KRT9: variants seen among roughly 807,000 people sequenced by gnomAD.
The protein encoded by KRT9 is keratin 9, also known as keratin, type I cytoskeletal 9.
KRT9 carries 34 observed loss-of-function variants against 51.4 expected under a neutral mutation model. The ratio of observed to expected loss-of-function variants is 0.66; its 90% confidence interval spans 0.50 to 0.88. The LOEUF (loss-of-function observed/expected upper bound fraction) is 0.88, where lower values mean the gene tolerates loss of function less well. Ranked by LOEUF, KRT9 falls within the 40% of genes least tolerant of loss-of-function variation. The pLI is 0.00. For synonymous variants in KRT9, 292 were observed against 289.7 expected, an observed-to-expected ratio of 1.01 and a Z score of -0.08; for missense variants, 753 against 790.3, an observed-to-expected ratio of 0.95 and a Z score of 0.57.
chr17:41,569,942 G>T lies in KRT9; in HGVS notation c.799C>A (p.Leu267Met). ...TCCAGGTCAGACTTCTCCATGGTCA[G>T]ATTGTCCAGCACCTGCCGCAGGCCA... is the stretch of plus-strand genomic sequence containing the variant. The part of the protein sequence containing the change: ...INGLRQVLDN[L>M]TMEKSDLEMQ... Residue 267 changes from leucine to methionine, a missense_variant, in exon 3 of 8, where the codon CTG (leucine) becomes ATG (methionine). Around this residue, in one of 3 missense-constraint regions of KRT9, gnomAD observed 507 missense variants for 563.7 expected, o/e 0.90. Coordinates refer to ENST00000246662, the MANE Select transcript of KRT9 (RefSeq NM_000226.4). 1 of 1,614,210 alleles carries T rather than the reference G, an allele frequency of 6.2e-7. No individual in the cohort carries two copies.
In KRT9 at chr17:41,567,427, C is replaced by A; in HGVS notation, c.1718G>T (p.Gly573Val). 6.4e-7 allele frequency: 1 copy of A among 1,563,962 alleles called. No individual in the cohort carries two copies. The highest frequency in any genetic ancestry group is 8.7e-7 in the Non-Finnish European group (1 of 1,153,370). Residue 573 changes from glycine to valine, a missense_variant, in exon 7 of 8, where the codon GGT (glycine) becomes GTT (valine). Physicochemically the swap from Gly to Val is moderately radical, Grantham distance 109. Transcript: ENST00000246662. Reference sequence around the variant, plus strand: ...TCCTCCCCTGGACCCACTTCCTCCACCATAGCCACCCCCACTTCCTCCTCC... The same window carrying A: ...TCCTCCCCTGGACCCACTTCCTCCAACATAGCCACCCCCACTTCCTCCTCC... Reference protein sequence around the residue: ...GSGGGSGGGYGGGSGSRGGSG... With the variant: ...GSGGGSGGGYVGGSGSRGGSG...
Position 41,571,934 on chromosome 17 carries a change from C to A in KRT9, c.59G>T (p.Gly20Val). 6.4e-7 allele frequency: 1 copy of A among 1,574,730 alleles called. No homozygotes were observed. The highest frequency in any genetic ancestry group is 8.6e-7 in the Non-Finnish European group (1 of 1,160,220). Residue 20 changes from glycine (G) to valine (V), a missense_variant, in exon 1 of 8, where the codon GGC (glycine) becomes GTC (valine). Physicochemically the swap from Gly to Val is moderately radical, Grantham distance 109. This residue lies in a region of KRT9 where 241 missense variants were observed against 210.3 expected (regional missense o/e 1.15). Coordinates refer to ENST00000246662, the MANE Select transcript of KRT9 (RefSeq NM_000226.4). Reference sequence around the variant, plus strand: ...TATGCTGCCCCCGCTGCCCAGGCCGCCCCCGCCACCCCCGCCGCTGCGGCT... The same window carrying A: ...TATGCTGCCCCCGCTGCCCAGGCCGACCCCGCCACCCCCGCCGCTGCGGCT... ...YLSRSGGGGGGGLGSGGSIRS... is the reference protein window; with the variant it reads ...YLSRSGGGGGVGLGSGGSIRS...
In KRT9 at chr17:41,571,933, G is replaced by A. The variant is rs765454147; in HGVS notation, c.60C>T (p.Gly20=). The stretch of plus-strand genomic sequence containing the variant: ...TTATGCTGCCCCCGCTGCCCAGGCC[G>A]CCCCCGCCACCCCCGCCGCTGCGGC... ...YLSRSGGGGG[G]GLGSGGSIRS... is the part of the protein sequence containing the mutation. Residue 20 remains glycine (G), a synonymous_variant, in exon 1 of 8, where the codon GGC becomes GGT. Coordinates refer to ENST00000246662, the MANE Select transcript of KRT9 (RefSeq NM_000226.4). The A allele has an allele frequency of 1.6e-5, 25 of 1,576,888 alleles. No individual in the cohort carries two copies. Among genetic ancestry groups the A allele is most frequent in the Admixed American group, 9.0e-5 (5 of 55,366 alleles).
chr17:41,567,395 C>T lies in KRT9; in HGVS notation c.1750G>A (p.Gly584Ser), dbSNP rs145332136. 2.0e-5 allele frequency: 32 copies of T among 1,592,366 alleles called. No homozygotes were observed. The highest frequency in any genetic ancestry group is 2.7e-5 in the Non-Finnish European group (31 of 1,168,370). ...GGSGSRGGSG[G>S]SHGGGSGFGG... ...AAACCACTTCCTCCACCATGGCTGC[C>T]TCCACTTCCTCCCCTGGACCCACTT... is the stretch of plus-strand genomic sequence containing the variant. The change falls in exon 7 of 8, where the codon GGC (glycine) becomes AGC (serine). Residue 584 changes from glycine to serine, a missense_variant. Gly to Ser is a moderately conservative substitution (Grantham distance 56). Coordinates refer to ENST00000246662, the MANE Select transcript of KRT9 (RefSeq NM_000226.4).
At position 41,567,094 on chromosome 17, in the gene KRT9, GTC is replaced by G. The variant is rs1906894332; in HGVS notation, c.*40+137_*40+138del. The G allele has an allele frequency of 3.6e-6, 5 of 1,401,826 alleles. No homozygotes were observed. The East Asian group carries it at 1.1e-4, about 32-fold the overall frequency. 86.8% of individuals were successfully genotyped at this position (1,401,826 alleles called of 1,614,324 possible). A position where few individuals can be genotyped will look rare whatever the true frequency, so the allele number is the denominator to read the frequency against. ...ATGATCAATTCAGAACCAAGGGTAG[GTC>G]TCTGACACCTCACTAGAGATTTCCC... On this transcript the variant is annotated intron_variant, in intron 7 of 7. Transcript: ENST00000246662.
At position 41,570,021 on chromosome 17, in the gene KRT9, G is replaced by A. The variant is rs367927253; in HGVS notation, c.726-6C>T. 3.5e-5 allele frequency: 57 copies of A among 1,614,052 alleles called. No individual in the cohort carries two copies. The highest frequency in any genetic ancestry group is 4.7e-5 in the Non-Finnish European group (55 of 1,180,040). ...GGTTTTGCTCCATCTCAAACCTGCA[G>A]ACCAGCCAGGGTTAGAAAACAATCA... On this transcript the variant is annotated splice_region_variant and splice_polypyrimidine_tract_variant and intron_variant, in intron 2 of 7. Transcript: ENST00000246662.
chr17:41,571,799 C>A lies in KRT9; in HGVS notation c.194G>T (p.Gly65Val). Residue 65 changes from glycine (G) to valine (V), a missense_variant, in exon 1 of 8, where the codon GGC (glycine) becomes GTC (valine). This residue lies in a region of KRT9 where 241 missense variants were observed against 210.3 expected (regional missense o/e 1.15). Transcript: ENST00000246662. ...GTAGCTGTAGCCAAAACTGCCACCG[C>A]CTCCCCTCCCACAGACACGAGAGCT... is the stretch of plus-strand genomic sequence containing the variant. The part of the protein sequence containing the change: ...GGSSRVCGRG[G>V]GGSFGYSYGG... 1 of 1,613,524 alleles carries A rather than the reference C, an allele frequency of 6.2e-7. No individual in the cohort carries two copies.
rs959687037 is a variant in KRT9, at chr17:41,569,990, G to C, written c.751C>G (p.Gln251Glu). The C allele has an allele frequency of 6.2e-7, 1 of 1,614,128 alleles. No homozygotes were observed. The highest frequency in any genetic ancestry group is 1.1e-5 in the South Asian group (1 of 91,084). The change falls in exon 3 of 8, where the codon CAA becomes GAA. Residue 251 changes from glutamine to glutamate, a missense_variant. This residue lies in a region of KRT9 where 507 missense variants were observed against 563.7 expected (regional missense o/e 0.90). Transcript: ENST00000246662. Reference protein sequence around the residue: ...IKFEMEQNLRQGVDADINGLR... With the variant: ...IKFEMEQNLREGVDADINGLR... ...CCATTGATGTCAGCATCCACTCCTT[G>C]CCGCAGGTTTTGCTCCATCTCAAAC...
At chr17:41,568,014 GT>G in intron 6 of KRT9, 147 bp downstream of exon 6, 1 of 941,144 alleles carries the variant, frequency 1.1e-6, no homozygotes, top group South Asian at 1.6e-5. Context: ...ATGCACTGAG[GT>G]CCCCCCGGCC....
chr17:41,571,618 A>C lies in KRT9; in HGVS notation c.375T>G (p.Gly125=). ...FGGGSGGGFG[G]GYGSGFGGFG... ...ACCCCCCAAACCCACTCCCATAGCC[A>C]CCACCAAAGCCACCTCCAGAACCAC... The change falls in exon 1 of 8, where the codon GGT becomes GGG. Residue 125 remains glycine, a synonymous_variant. Transcript: ENST00000246662. 2 of 1,605,250 alleles carry C rather than the reference A, an allele frequency of 1.2e-6. No homozygotes were observed. The highest frequency in any genetic ancestry group is 1.7e-6 in the Non-Finnish European group (2 of 1,175,690).
In KRT9 at chr17:41,569,885, T is replaced by C. The variant is rs941501212; in HGVS notation, c.856A>G (p.Met286Val). 1 of 1,614,174 alleles carries C rather than the reference T, an allele frequency of 6.2e-7. No individual in the cohort carries two copies. The highest frequency in any genetic ancestry group is 8.5e-7 in the Non-Finnish European group (1 of 1,180,030). ...TCCTTATGATTCTTCTTGAGGGCCA[T>C]CAGCTCCTCCTGCAGAGTCTCATAC... ...MQYETLQEEL[M>V]ALKKNHKEEM... Residue 286 changes from methionine to valine, a missense_variant, in exon 3 of 8, where the codon ATG becomes GTG. Met to Val is a conservative substitution (Grantham distance 21). Coordinates refer to ENST00000246662, the MANE Select transcript of KRT9 (RefSeq NM_000226.4).
Position 41,571,348 on chromosome 17 carries a change from T to C in KRT9, c.642+3A>G. ...CAAGACAGAGACAGTTTCCTGCACC[T>C]ACCTGGTCCTTGAGATCATCAATAG... On this transcript the variant is annotated splice_donor_region_variant and intron_variant, in intron 1 of 7. Transcript: ENST00000246662. 1 of 1,612,530 alleles carries C rather than the reference T, an allele frequency of 6.2e-7. No individual in the cohort carries two copies. The highest frequency in any genetic ancestry group is 2.2e-5 in the East Asian group (1 of 44,880).
chr17:41,571,970 G>A lies in KRT9; in HGVS notation c.23C>T (p.Ser8Leu), dbSNP rs759755813. Residue 8 changes from serine (S) to leucine (L), a missense_variant, in exon 1 of 8, where the codon TCG (serine) becomes TTG (leucine). Physicochemically the swap from Ser to Leu is moderately radical, Grantham distance 145. This residue lies in a region of KRT9 where 241 missense variants were observed against 210.3 expected (regional missense o/e 1.15). Transcript: ENST00000246662. ...CCCGCCGCTGCGGCTCAAGTAGGAC[G>A]AGGAGAACTGTCTGCAGCTCATGAC... Reference protein sequence around the residue: MSCRQFSSSYLSRSGGGG... With the variant: MSCRQFSLSYLSRSGGGG... 105 of 1,584,736 alleles carry A rather than the reference G, an allele frequency of 6.6e-5. No homozygotes were observed. Among genetic ancestry groups the A allele is most frequent in the Admixed American group, 2.3e-4 (13 of 56,394 alleles).
At position 41,568,501 on chromosome 17, in the gene KRT9, T is replaced by C. The variant is rs1906956734; in HGVS notation, c.1170+7A>G. ...CTTGGCAAAGGGTCTATAGCAGAAC[T>C]ACCAACCTTGCTGAGCTGAGACTGC... On this transcript the variant is annotated splice_region_variant and intron_variant, in intron 5 of 7. Coordinates refer to ENST00000246662, the MANE Select transcript of KRT9 (RefSeq NM_000226.4). The C allele has an allele frequency of 1.2e-6, 2 of 1,614,076 alleles. No homozygotes were observed. Among genetic ancestry groups the C allele is most frequent in the Non-Finnish European group, 1.7e-6 (2 of 1,180,036 alleles).
At position 41,572,043 on chromosome 17, in the gene KRT9, G is replaced by T. The variant is rs1253590869; in HGVS notation, c.-51C>A. 3.9e-6 allele frequency: 6 copies of T among 1,540,220 alleles called. No individual in the cohort carries two copies. In the African/African-American group the frequency reaches 8.2e-5, roughly 21 times the overall value. On this transcript the variant is annotated 5_prime_UTR_variant, in exon 1 of 8. Transcript: ENST00000246662. Reference sequence around the variant, plus strand: ...AGAAGCAGTGATAGGAGTGCTACCGGCTCCCAAGTGCAGGGTACAGAGCTG... The same window carrying T: ...AGAAGCAGTGATAGGAGTGCTACCGTCTCCCAAGTGCAGGGTACAGAGCTG...
chr17:41,572,020 A>T lies in KRT9; in HGVS notation c.-28T>A. The T allele has an allele frequency of 1.9e-6, 3 of 1,555,148 alleles. No individual in the cohort carries two copies. The highest frequency in any genetic ancestry group is 2.6e-6 in the Non-Finnish European group (3 of 1,154,784). Reference sequence around the variant, plus strand: ...CACAGCTGGTAGCTCACGGGTTGAGAAGCAGTGATAGGAGTGCTACCGGCT... The same window carrying T: ...CACAGCTGGTAGCTCACGGGTTGAGTAGCAGTGATAGGAGTGCTACCGGCT... On this transcript the variant is annotated 5_prime_UTR_variant, in exon 1 of 8. Transcript: ENST00000246662.
At chr17:41,569,794 C>T in intron 3 of KRT9, 65 bp downstream of exon 3, 1 of 1,596,232 alleles carries the variant, frequency 6.3e-7, no homozygotes, top group Admixed American at 1.7e-5. Flanking sequence ...TTCCAAAGCT[C>T]CCCTGCTGTC....
intron 7 of KRT9, 116 bp downstream of exon 7, chr17:41,567,117 T>A: frequency 1.3e-6 from 2 of 1,513,982 alleles, no homozygotes; most frequent in Non-Finnish European, 1.8e-6. Flanking sequence ...CACTAGAGAT[T>A]TCCCTAACAT....
chr17:41,568,407 T>C (rs1906952589), intron 5 of KRT9, 22 bp from the exon 6 acceptor site: 1 of 1,613,896 alleles, frequency 6.2e-7, no homozygotes, highest in Non-Finnish European at 8.5e-7. Flanking sequence ...GAGAAGGCTT[T>C]AAGAGGGATG....
Sources: allele counts gnomAD v4.1 joint callset, GRCh38; gene constraint gnomAD v4.1.1; regional missense constraint gnomAD v4.1.1; transcripts MANE v1.5; gene names NCBI Gene and HGNC (gene_info 2026-07-23, HGNC 2026-07-21).